Variants in USH2A observed in about 807,000 individuals in gnomAD.
USH2A encodes the protein Usher syndrome 2A (autosomal recessive, mild).
USH2A carries 443 observed loss-of-function variants against 538.9 expected under a neutral mutation model. The observed-to-expected ratio is 0.82, with a 90% CI of 0.76 to 0.89. The LOEUF is 0.89. Ranked by LOEUF, USH2A falls within the 40% of genes least tolerant of loss-of-function variation. USH2A has a pLI of 0.00. For missense variants in USH2A, 6,633 were observed against 6,324.8 expected (o/e 1.05, Z -1.65); for synonymous variants, 2,413 against 2,273.5 (o/e 1.06, Z -1.75).
At chr1:215,987,678 A>C (rs548233843) in intron 35 of USH2A, among the ~76,000 whole-genome samples, 1 of 152,322 alleles carries the variant, frequency 6.6e-6, no homozygotes, top group Admixed American at 6.5e-5. Flanking sequence ...AATAGCAAGT[A>C]ACCTTGTTTG....
intron 61 of USH2A, among the ~76,000 whole-genome samples, chr1:215,716,953 T>A (rs937851364): frequency 6.6e-6 from 1 of 152,168 alleles, no homozygotes; most frequent in Middle Eastern, 3.2e-3. Context: ...TCCCAAGTGG[T>A]ATGTTTTTGT....
chr1:215,770,944 A>G (rs1661264224), intron 55 of USH2A, among the ~76,000 whole-genome samples: 3 of 68,202 alleles, frequency 4.4e-5, no homozygotes, highest in African/African-American at 3.8e-4. Context: ...GTCTCTACTA[A>G]AAAAAAAAAA....
intron 3 of USH2A, among the ~76,000 whole-genome samples, chr1:216,397,455 T>A (rs889895174): frequency 3.9e-5 from 6 of 152,184 alleles, no homozygotes; most frequent in Admixed American, 1.3e-4. Context: ...TATAAGCCAG[T>A]GGACTGAGAG....
At chr1:215,915,291 C>G (rs992905380) in intron 38 of USH2A, among the ~76,000 whole-genome samples, 1 of 152,042 alleles carries the variant, frequency 6.6e-6, no homozygotes, top group East Asian at 1.9e-4. Flanking sequence ...TAAAAGGTAG[C>G]TAGCCTCCTT....
At chr1:216,187,876 T>A (rs1020273883) in intron 20 of USH2A, among the ~76,000 whole-genome samples, 1 of 151,982 alleles carries the variant, frequency 6.6e-6, no homozygotes, top group Non-Finnish European at 1.5e-5. Flanking sequence ...ATAATTTATA[T>A]AAGGTCACAC....
chr1:215,634,696 G>A lies in USH2A; in HGVS notation c.15060C>T (p.Val5020=). The change falls in exon 70 of 72, where the codon GTC becomes GTT. Residue 5020 remains valine (V), a synonymous_variant. Transcript: ENST00000307340. ...CCTTCTTTTTCCCAGGAGTTGTTAGGACCAAGCCTGCAAAACCCAGAGAAA... is the reference window on the plus strand; with the variant it reads ...CCTTCTTTTTCCCAGGAGTTGTTAGAACCAAGCCTGCAAAACCCAGAGAAA... ...QYDTSTGLGL[V]LTTPGKKKGS... 6.2e-7 allele frequency: 1 copy of A among 1,614,218 alleles called. No homozygotes were observed. Among genetic ancestry groups the A allele is most frequent in the African/African-American group, 1.3e-5 (1 of 75,040 alleles).
intron 49 of USH2A, among the ~76,000 whole-genome samples, chr1:215,807,970 T>C (rs1031288988): frequency 1.3e-5 from 2 of 152,086 alleles, no homozygotes; most frequent in African/African-American, 4.8e-5. Context: ...ATTAATACCC[T>C]GCTAATATTC....
At chr1:215,851,627 C>T (rs1664017013) in intron 44 of USH2A, among the ~76,000 whole-genome samples, 1 of 152,034 alleles carries the variant, frequency 6.6e-6, no homozygotes, top group African/African-American at 2.4e-5. Flanking sequence ...AGAATGGGTA[C>T]CAATCATATT....
intron 35 of USH2A, among the ~76,000 whole-genome samples, chr1:215,992,751 C>T (rs1158383197): frequency 6.6e-6 from 1 of 152,070 alleles, no homozygotes; most frequent in Non-Finnish European, 1.5e-5. Flanking sequence ...GAATCCTCCC[C>T]GTTTGCTCTC....
intron 71 of USH2A, among the ~76,000 whole-genome samples, chr1:215,628,345 C>T (rs1185930966): frequency 1.3e-5 from 2 of 152,076 alleles, no homozygotes; most frequent in South Asian, 2.1e-4. Context: ...TGCAGTGGCG[C>T]GGTCTCGGCT....
chr1:215,735,929 T>C (rs1309424420), intron 60 of USH2A, among the ~76,000 whole-genome samples: 2 of 152,164 alleles, frequency 1.3e-5, no homozygotes, highest in African/African-American at 4.8e-5. Flanking sequence ...ATTCCACACA[T>C]ATTATTTAAT....
Position 215,805,432 on chromosome 1 carries a change from C to T in USH2A, c.9740-6307G>A, listed in dbSNP as rs936414598. On this transcript the variant is annotated intron_variant, in intron 49 of 71. Transcript: ENST00000307340. ...GGTGGTTTCCAGGGGTTGAAGATAA[C>T]AGGGAGTGGAAAGTTAGTGCTTAAT... Among the ~76,000 whole-genome samples the T allele has an allele frequency of 2.8e-4, 43 of 151,790 alleles. No homozygotes were observed. In the East Asian group the frequency reaches 3.5e-3, roughly 12 times the overall value.
At chr1:215,663,859 C>T (rs1657519752) in intron 64 of USH2A, among the ~76,000 whole-genome samples, 1 of 152,134 alleles carries the variant, frequency 6.6e-6, no homozygotes, top group Admixed American at 6.5e-5. Flanking sequence ...AATGCTATAT[C>T]TATTCACATT....
chr1:215,864,725 A>G (rs1003255049), intron 44 of USH2A, among the ~76,000 whole-genome samples: 1 of 152,196 alleles, frequency 6.6e-6, no homozygotes, highest in African/African-American at 2.4e-5. Context: ...TGTGTTGCCA[A>G]TTTGCAACAT....
At chr1:215,831,318 T>A (rs561995029) in intron 47 of USH2A, among the ~76,000 whole-genome samples, 11 of 152,082 alleles carry the variant, frequency 7.2e-5, no homozygotes, top group African/African-American at 2.7e-4. Context: ...AGGCAGAAAA[T>A]CAGTAAGTAT....
At chr1:215,685,388 G>A (rs575317607) in intron 61 of USH2A, among the ~76,000 whole-genome samples, 4 of 143,496 alleles carry the variant, frequency 2.8e-5, no homozygotes, top group East Asian at 2.1e-4. Context: ...CACTCTCGTC[G>A]CCCAGGCTGA....
chr1:215,918,967 A>G (rs1451452861), intron 38 of USH2A, among the ~76,000 whole-genome samples: 1 of 152,080 alleles, frequency 6.6e-6, no homozygotes, highest in Non-Finnish European at 1.5e-5. Flanking sequence ...GGGATTTAGA[A>G]GTCTAAAACA....
intron 11 of USH2A, among the ~76,000 whole-genome samples, chr1:216,253,987 A>C (rs1045838613): frequency 6.6e-6 from 1 of 152,110 alleles, no homozygotes; most frequent in African/African-American, 2.4e-5. Flanking sequence ...CTGACTTTAC[A>C]TGGTCACTTT....
chr1:216,159,008 T>A (rs1237490239), intron 21 of USH2A, among the ~76,000 whole-genome samples: 1 of 152,118 alleles, frequency 6.6e-6, no homozygotes, highest in Non-Finnish European at 1.5e-5. Flanking sequence ...TTTCTACTTG[T>A]TTTTTGCTAT....
Sources: allele counts gnomAD v4.1 joint callset (sites outside exome capture counted in the v4.1 genomes callset), GRCh38; gene constraint gnomAD v4.1.1; transcripts MANE v1.5; gene names NCBI Gene and HGNC (gene_info 2026-07-23, HGNC 2026-07-21).